Variants in ELAVL2 observed in about 807,000 individuals in gnomAD.
The protein encoded by ELAVL2 is ELAV-like protein 2.
ELAVL2 carries 4 observed loss-of-function variants against 34.6 expected under a neutral mutation model. The observed-to-expected ratio is 0.12, with a 90% CI of 0.06 to 0.26. The LOEUF (loss-of-function observed/expected upper bound fraction) is 0.26. Among genes scored for constraint, ELAVL2 ranks in the 10% least tolerant of loss-of-function variants. ELAVL2 has a pLI of 1.00. For missense variants in ELAVL2, 432 were observed against 442.8 expected (o/e 0.98, Z 0.22); for synonymous variants, 193 against 154.8 (o/e 1.25, Z -1.83).
chr9:23,828,855 T>G (rs1409721493), upstream of ELAVL2, among the ~76,000 whole-genome samples: 1 of 152,196 alleles, frequency 6.6e-6, no homozygotes, highest in Non-Finnish European at 1.5e-5. Flanking sequence ...TAAAAAATAT[T>G]GATTACAGCC....
intron 1 of ELAVL2, among the ~76,000 whole-genome samples, chr9:23,778,498 A>G (rs1051027854): frequency 1.3e-5 from 2 of 152,230 alleles, no homozygotes; most frequent in African/African-American, 4.8e-5. Context: ...CCATATTCCC[A>G]GAGCTACTAG....
the ELAVL2 span, among the ~76,000 whole-genome samples, chr9:23,832,653 ATTTACAT>A: frequency 6.6e-6 from 1 of 152,156 alleles, no homozygotes; most frequent in Admixed American, 6.5e-5. Context: ...CCACAAGGGC[ATTTACAT>A]TTTAAGTCTT....
chr9:23,774,080 G>A (rs746359218), intron 1 of ELAVL2, among the ~76,000 whole-genome samples: 73 of 151,554 alleles, frequency 4.8e-4, no homozygotes, highest in Admixed American at 9.9e-4. Context: ...ACTTGGTGGC[G>A]GGCGCCTGTA....
chr9:23,746,820 G>GAA (rs58976853), intron 2 of ELAVL2, among the ~76,000 whole-genome samples: 10 of 68,978 alleles, frequency 1.4e-4, no homozygotes, highest in Admixed American at 7.8e-4. Context: ...AACTGAAAAA[G>GAA]AAAAAAAAAA....
chr9:23,825,278 C>T (rs1210488512), intron 1 of ELAVL2, among the ~76,000 whole-genome samples: 1 of 151,482 alleles, frequency 6.6e-6, no homozygotes, highest in Admixed American at 6.6e-5. Context: ...AACTACAACT[C>T]GCTGCCTGGT....
intron 1 of ELAVL2, among the ~76,000 whole-genome samples, chr9:23,810,388 C>G (rs1045142354): frequency 2.0e-5 from 3 of 152,022 alleles, no homozygotes; most frequent in South Asian, 2.1e-4. Flanking sequence ...CTACAGGGAC[C>G]ACAGTGAAGC....
chr9:23,741,509 C>T (rs1470978892), intron 2 of ELAVL2, among the ~76,000 whole-genome samples: 1 of 151,884 alleles, frequency 6.6e-6, no homozygotes, highest in African/African-American at 2.4e-5. Context: ...CCTCCCCTCT[C>T]AACTCTTTAT....
chr9:23,729,287 A>G (rs572953678), intron 3 of ELAVL2, among the ~76,000 whole-genome samples: 43 of 152,268 alleles, frequency 2.8e-4, no homozygotes, highest in Middle Eastern at 3.4e-3. Flanking sequence ...TTTCTTCCCA[A>G]CTACAACTCA....
At chr9:23,839,722 T>G in the ELAVL2 span, among the ~76,000 whole-genome samples, 1 of 152,166 alleles carries the variant, frequency 6.6e-6, no homozygotes, top group Non-Finnish European at 1.5e-5. Flanking sequence ...AATAGGTAGT[T>G]TATAGCAGCT....
At chr9:23,776,597 C>T (rs1174056175) in intron 1 of ELAVL2, among the ~76,000 whole-genome samples, 1 of 152,072 alleles carries the variant, frequency 6.6e-6, no homozygotes, top group Non-Finnish European at 1.5e-5. Context: ...CCACTCATTC[C>T]ACCCCTCACG....
At chr9:23,835,729 G>C in the ELAVL2 span, among the ~76,000 whole-genome samples, 1 of 152,130 alleles carries the variant, frequency 6.6e-6, no homozygotes, top group Admixed American at 6.5e-5. Context: ...AATTCATATA[G>C]ATGGAGCTAT....
chr9:23,692,973 C>T, intron 6 of ELAVL2, 89 bp from the exon 7 acceptor site: 2 of 1,244,622 alleles, frequency 1.6e-6, no homozygotes, highest in Non-Finnish European at 2.2e-6. Context: ...TTTTCCATCC[C>T]CAAGAATTTT....
At chr9:23,742,943 G>C (rs1245737855) in intron 2 of ELAVL2, among the ~76,000 whole-genome samples, 2 of 152,060 alleles carry the variant, frequency 1.3e-5, no homozygotes, top group African/African-American at 2.4e-5. Flanking sequence ...GATGGTGTTT[G>C]GGCTGGTGGG....
At chr9:23,749,776 G>A (rs1564260491) in intron 2 of ELAVL2, among the ~76,000 whole-genome samples, 1 of 152,058 alleles carries the variant, frequency 6.6e-6, no homozygotes, top group South Asian at 2.1e-4. Flanking sequence ...TTTCAGAAAA[G>A]GCTTCTCCAT....
At chr9:23,775,384 T>C (rs192863306) in intron 1 of ELAVL2, among the ~76,000 whole-genome samples, 4 of 152,284 alleles carry the variant, frequency 2.6e-5, no homozygotes, top group African/African-American at 9.6e-5. Flanking sequence ...ACAAATCTTA[T>C]GCACTATAAG....
chr9:23,694,462 T>C (rs980923679), intron 5 of ELAVL2, among the ~76,000 whole-genome samples: 64 of 152,258 alleles, frequency 4.2e-4, no homozygotes, highest in African/African-American at 1.4e-3. Flanking sequence ...AGGCATAACT[T>C]AATACATAGT....
intron 3 of ELAVL2, among the ~76,000 whole-genome samples, chr9:23,729,177 AGT>A: frequency 6.6e-6 from 1 of 152,286 alleles, no homozygotes. Flanking sequence ...GAGGATATTT[AGT>A]AAAAGAACTG....
intron 2 of ELAVL2, among the ~76,000 whole-genome samples, chr9:23,744,736 C>T (rs1023657139): frequency 2.6e-5 from 4 of 151,576 alleles, no homozygotes; most frequent in Admixed American, 6.6e-5. Context: ...ATCCTTCTCG[C>T]GCACCCCCCA....
rs983130298 is a variant in ELAVL2, at chr9:23,779,502, A to C, written c.-15-17253T>G. 6 of 674,172 alleles carry C rather than the reference A, an allele frequency of 8.9e-6. No individual in the cohort carries two copies. In the Admixed American group the frequency reaches 2.5e-4, roughly 28 times the overall value. 41.8% of individuals were successfully genotyped at this position (674,172 alleles called of 1,614,324 possible). A position where few individuals can be genotyped will look rare whatever the true frequency, so the allele number is the denominator to read the frequency against. ...TCTGGCTTCCTTAGACTCAGAAACT[A>C]ATGCATTCTTCCCTGCCTCCAAAGC... On this transcript the variant is annotated intron_variant, in intron 1 of 6. Coordinates refer to ENST00000397312, the MANE Select transcript of ELAVL2 (RefSeq NM_004432.5).
Sources: allele counts gnomAD v4.1 joint callset (sites outside exome capture counted in the v4.1 genomes callset), GRCh38; gene constraint gnomAD v4.1.1; transcripts MANE v1.5; gene names NCBI Gene and HGNC (gene_info 2026-07-23, HGNC 2026-07-21).